CNTN5: variants seen among roughly 807,000 people sequenced by gnomAD.
CNTN5 encodes contactin-5.
In CNTN5, 77 loss-of-function variants were observed where a neutral mutation model predicts 129.1. The observed-to-expected ratio is 0.60, with a 90% CI of 0.50 to 0.72. The LOEUF (loss-of-function observed/expected upper bound fraction) is 0.72, where lower values mean the gene tolerates loss of function less well. Ranked by LOEUF, CNTN5 falls within the 30% of genes least tolerant of loss-of-function variation. The pLI, the probability that CNTN5 is intolerant of heterozygous loss-of-function variation, is 0.00. For missense variants in CNTN5, 1,478 were observed against 1,328.8 expected, an observed-to-expected ratio of 1.11 and a Z score of -1.75; for synonymous variants, 509 against 465.6, an observed-to-expected ratio of 1.09 and a Z score of -1.20.
At chr11:100,094,768 G>GGAAGGAA (rs1407287961) in intron 13 of CNTN5, among the ~76,000 whole-genome samples, 27 of 80,824 alleles carry the variant, frequency 3.3e-4, no homozygotes, top group African/African-American at 1.9e-3. Context: ...AGGGAGGAAA[G>GGAAGGAA]GAAGGAAGGA....
At chr11:100,225,912 T>A (rs923343854) in intron 16 of CNTN5, among the ~76,000 whole-genome samples, 1 of 152,106 alleles carries the variant, frequency 6.6e-6, no homozygotes, top group Non-Finnish European at 1.5e-5. Flanking sequence ...TATGTTTTAG[T>A]TATATATATC....
At chr11:99,241,616 G>C (rs1405814384) in intron 1 of CNTN5, among the ~76,000 whole-genome samples, 2 of 151,848 alleles carry the variant, frequency 1.3e-5, no homozygotes, top group Non-Finnish European at 2.9e-5. Flanking sequence ...TTAAACATTG[G>C]CTGTCCGTTT....
At chr11:100,279,498 C>T (rs545643324) in intron 18 of CNTN5, among the ~76,000 whole-genome samples, 4 of 151,704 alleles carry the variant, frequency 2.6e-5, no homozygotes, top group South Asian at 2.1e-4. Flanking sequence ...CACACATTAT[C>T]GATCTGCTTA....
chr11:99,232,223 C>A (rs989144999), intron 1 of CNTN5, among the ~76,000 whole-genome samples: 1 of 152,090 alleles, frequency 6.6e-6, no homozygotes, highest in South Asian at 2.1e-4. Flanking sequence ...CGCACTGAAT[C>A]TATAAATTAT....
chr11:99,157,931 A>C (rs1860414006), intron 1 of CNTN5, among the ~76,000 whole-genome samples: 1 of 152,210 alleles, frequency 6.6e-6, no homozygotes, highest in Admixed American at 6.5e-5. Context: ...GTGTTGGGAA[A>C]AGGGAGTGGT....
At position 99,749,816 on chromosome 11, in the gene CNTN5, A is replaced by G. The variant is rs572823845; in HGVS notation, c.56-69728A>G. On this transcript the variant is annotated intron_variant, in intron 3 of 24. Transcript: ENST00000524871. ...TTTATCATGGTTCCTGGAAGGTAAG[A>G]TTGGTGGCCACCACATTCAGTCTCC... Among the ~76,000 whole-genome samples, 3 of 152,310 alleles carry G rather than the reference A, an allele frequency of 2.0e-5. No homozygotes were observed. The East Asian group carries it at 5.8e-4, about 29-fold the overall frequency.
rs1952388675 is a variant in CNTN5, at chr11:100,350,689, TTA to T, written c.3031-11_3031-10del. The T allele has an allele frequency of 6.3e-7, 1 of 1,593,044 alleles. No individual in the cohort carries two copies. Among genetic ancestry groups the T allele is most frequent in the East Asian group, 2.2e-5 (1 of 44,486 alleles). ...TTTCATATCAAATGTCTAAACCTTG[TTA>T]TTACTCTCAGGTTTTTTATAGGCAA... On this transcript the variant is annotated splice_polypyrimidine_tract_variant and intron_variant, in intron 23 of 24. Transcript: ENST00000524871.
intron 1 of CNTN5, among the ~76,000 whole-genome samples, chr11:99,232,946 C>T (rs1024483930): frequency 1.3e-5 from 2 of 152,106 alleles, no homozygotes; most frequent in African/African-American, 2.4e-5. Flanking sequence ...AAAATGAAGA[C>T]AATGTGAACC....
intron 2 of CNTN5, among the ~76,000 whole-genome samples, chr11:99,372,324 C>T (rs892402010): frequency 2.6e-5 from 4 of 152,012 alleles, no homozygotes; most frequent in East Asian, 1.9e-4. Flanking sequence ...AGAGAGCACA[C>T]GTAAAGAAAC....
chr11:99,869,015 G>C (rs1253423726), intron 6 of CNTN5, among the ~76,000 whole-genome samples: 1 of 152,106 alleles, frequency 6.6e-6, no homozygotes, highest in East Asian at 1.9e-4. Context: ...CCTGTGACTG[G>C]TAATCACCCC....
At chr11:100,306,899 T>C (rs1298214407) in intron 20 of CNTN5, among the ~76,000 whole-genome samples, 8 of 151,680 alleles carry the variant, frequency 5.3e-5, no homozygotes, top group Admixed American at 5.3e-4. Flanking sequence ...TGGCAGGAAT[T>C]AATGTCAGCT....
chr11:99,478,404 C>G lies in CNTN5; in HGVS notation c.-70-77741C>G, dbSNP rs538074262. Reference sequence around the variant, plus strand: ...TGGTAACAGCAAAATAGAGTATCTACTAACAAAATGGGTTAAAATCTCTTT... The same window carrying G: ...TGGTAACAGCAAAATAGAGTATCTAGTAACAAAATGGGTTAAAATCTCTTT... On this transcript the variant is annotated intron_variant, in intron 2 of 24. Transcript: ENST00000524871. 2.6e-5 allele frequency among the ~76,000 whole-genome samples: 4 copies of G among 152,230 alleles called. No homozygotes were observed. The South Asian group carries it at 8.3e-4, about 32-fold the overall frequency.
chr11:100,080,383 C>T (rs1944313666), intron 13 of CNTN5, among the ~76,000 whole-genome samples: 1 of 152,080 alleles, frequency 6.6e-6, no homozygotes, highest in Admixed American at 6.6e-5. Flanking sequence ...AAAGGAGCTT[C>T]AGAAAGGCAA....
intron 3 of CNTN5, among the ~76,000 whole-genome samples, chr11:99,643,444 A>G (rs527673103): frequency 7.9e-5 from 12 of 152,148 alleles, no homozygotes; most frequent in Non-Finnish European, 1.6e-4. Context: ...ATTATTCTGG[A>G]AACTCTTCTA....
At chr11:100,178,302 T>G (rs1948032203) in intron 13 of CNTN5, among the ~76,000 whole-genome samples, 1 of 152,140 alleles carries the variant, frequency 6.6e-6, no homozygotes, top group Admixed American at 6.6e-5. Flanking sequence ...CATGCTCACT[T>G]TTGAATTCTC....
At chr11:99,036,285 C>G (rs1033472557) in intron 1 of CNTN5, among the ~76,000 whole-genome samples, 24 of 151,976 alleles carry the variant, frequency 1.6e-4, no homozygotes, top group African/African-American at 5.8e-4. Flanking sequence ...ATATATGGTC[C>G]AATATCTCCT....
chr11:100,131,163 G>T (rs1946366078), intron 13 of CNTN5, among the ~76,000 whole-genome samples: 1 of 152,048 alleles, frequency 6.6e-6, no homozygotes, highest in Non-Finnish European at 1.5e-5. Flanking sequence ...CTTTTGTGTG[G>T]AATGAAATGA....
At chr11:99,353,092 A>G (rs1351007197) in intron 2 of CNTN5, among the ~76,000 whole-genome samples, 1 of 152,056 alleles carries the variant, frequency 6.6e-6, no homozygotes, top group South Asian at 2.1e-4. Flanking sequence ...AAACTTAAGG[A>G]TTTCCTATAA....
At chr11:99,784,869 G>T (rs140057308) in intron 3 of CNTN5, among the ~76,000 whole-genome samples, 1 of 137,158 alleles carries the variant, frequency 7.3e-6, no homozygotes. Flanking sequence ...ACGCGATCTC[G>T]ACTCACTGCA....
Sources: gnomAD v4.1 joint callset for allele counts (sites outside exome capture counted in the v4.1 genomes callset) on GRCh38, gnomAD v4.1.1 for gene constraint, MANE v1.5 for transcripts, NCBI Gene and HGNC (gene_info 2026-07-23, HGNC 2026-07-21) for gene names.